Variants in NR1I2 observed in about 807,000 individuals in gnomAD.
The protein encoded by NR1I2 is nuclear receptor subfamily 1 group I member 2.
Under a neutral mutation model 43.3 loss-of-function variants are expected in NR1I2, and 42 were observed. The ratio of observed to expected loss-of-function variants is 0.97; its 90% CI spans 0.76 to 1.26. NR1I2 has a LOEUF of 1.26. Among genes scored for constraint, NR1I2 ranks in the 50% most tolerant of loss-of-function variants. The pLI is 0.00. For missense variants in NR1I2, 559 were observed against 566.7 expected (o/e 0.99, Z 0.14); for synonymous variants, 229 against 215.0 (o/e 1.06, Z -0.57).
chr3:119,794,685 C>G (rs1016847858), intron 1 of NR1I2, among the ~76,000 whole-genome samples: 13 of 152,142 alleles, frequency 8.5e-5, no homozygotes, highest in African/African-American at 2.9e-4. Flanking sequence ...TGCCTGTAAT[C>G]CCAGCATTTT....
rs2107981353 is a variant in NR1I2, at chr3:119,817,474, A to T, written c.*262A>T. On this transcript the variant is annotated 3_prime_UTR_variant, in exon 9 of 9. Transcript: ENST00000393716. The stretch of plus-strand genomic sequence containing the variant: ...CACTGACCTGTAGGTCAGGACCATC[A>T]GAGAGGCAAGGTTGCCCTTTCCTTT... 4.5e-6 allele frequency: 6 copies of T among 1,340,356 alleles called. No homozygotes were observed. Among genetic ancestry groups the T allele is most frequent in the Non-Finnish European group, 5.8e-6 (6 of 1,038,930 alleles). The allele number at this position is 1,340,356 out of a possible 1,614,324, so 83.0% of individuals were successfully genotyped here.
intron 1 of NR1I2, among the ~76,000 whole-genome samples, chr3:119,789,985 G>A (rs1422964080): frequency 1.3e-5 from 2 of 152,082 alleles, no homozygotes; most frequent in African/African-American, 4.8e-5. Flanking sequence ...ATTTCTAAGT[G>A]TATAGCTCAA....
intron 3 of NR1I2, 54 bp downstream of exon 3, chr3:119,810,248 G>GGACGT: frequency 6.5e-7 from 1 of 1,549,898 alleles, no homozygotes; most frequent in Non-Finnish European, 8.7e-7. Context: ...CTCTGAGTAA[G>GGACGT]GACGTGCCGT....
intron 1 of NR1I2, among the ~76,000 whole-genome samples, chr3:119,803,468 G>A (rs1410134346): frequency 1.3e-5 from 2 of 151,982 alleles, no homozygotes; most frequent in African/African-American, 4.8e-5. Flanking sequence ...CAGGAAGCAG[G>A]CTCTTACCAG....
Position 119,812,951 on chromosome 3 carries a change from C to T in NR1I2, c.785C>T (p.Ser262Phe). ...ATCATCAGCTTTGCCAAAGTCATCT[C>T]CTACTTCAGGTAGGACATGGAGACT... The change falls in exon 5 of 9, where the codon TCC becomes TTC. Residue 262 changes from serine (S) to phenylalanine (F), a missense_variant. This residue lies in a region of NR1I2 where 323 missense variants were observed against 312.2 expected (regional missense o/e 1.03). Transcript: ENST00000393716. 7 of 1,613,486 alleles carry T rather than the reference C, an allele frequency of 4.3e-6. No individual in the cohort carries two copies. Among genetic ancestry groups the T allele is most frequent in the Non-Finnish European group, 5.9e-6 (7 of 1,180,048 alleles).
In NR1I2 at chr3:119,795,902, G is replaced by T. The variant is rs577930546; in HGVS notation, c.-22-11327G>T. On this transcript the variant is annotated intron_variant, in intron 1 of 8. Transcript: ENST00000393716. ...TCTACTGATCATTTCATTCTTTCTT[G>T]CACTAAAGATGACCACTTCCCATGT... Among the ~76,000 whole-genome samples, 10 of 152,190 alleles carry T rather than the reference G, an allele frequency of 6.6e-5. No individual in the cohort carries two copies. In the South Asian group the frequency reaches 1.9e-3, roughly 28 times the overall value.
chr3:119,814,217 T>C (rs1443153710), intron 5 of NR1I2, among the ~76,000 whole-genome samples: 1 of 152,170 alleles, frequency 6.6e-6, no homozygotes, highest in Non-Finnish European at 1.5e-5. Flanking sequence ...TCTCAGGCTG[T>C]GAAGCTTCCT....
chr3:119,811,904 C>G (rs1223832940), intron 4 of NR1I2, among the ~76,000 whole-genome samples, 178 bp downstream of exon 4: 1 of 152,124 alleles, frequency 6.6e-6, no homozygotes, highest in Non-Finnish European at 1.5e-5. Context: ...GTCTCATTCC[C>G]AAAGGTTCTG....
At chr3:119,808,485 CTG>C (rs1368182516) in intron 2 of NR1I2, among the ~76,000 whole-genome samples, 1 of 152,256 alleles carries the variant, frequency 6.6e-6, no homozygotes, top group African/African-American at 2.4e-5. Context: ...CGCCACTTGA[CTG>C]TGTGGAAGAG....
At chr3:119,796,138 T>C (rs867484595) in intron 1 of NR1I2, among the ~76,000 whole-genome samples, 2 of 152,230 alleles carry the variant, frequency 1.3e-5, no homozygotes, top group African/African-American at 2.4e-5. Flanking sequence ...TGTTCAACTT[T>C]GTGATTTTTT....
intron 1 of NR1I2, 56 bp from the exon 2 acceptor site, chr3:119,807,173 G>C: frequency 6.9e-7 from 1 of 1,452,962 alleles, no homozygotes. Flanking sequence ...TTTCCTCTGA[G>C]GCCTCTACAC....
intron 1 of NR1I2, among the ~76,000 whole-genome samples, chr3:119,789,206 T>C (rs1559782701): frequency 6.6e-6 from 1 of 152,170 alleles, no homozygotes; most frequent in African/African-American, 2.4e-5. Context: ...AGAACTCAGG[T>C]TGGGATCAAA....
rs991302014 is a variant in NR1I2 at position 119,817,778 on chromosome 3, G to A, written c.*566G>A. Reference sequence around the variant, plus strand: ...GTCCTCTAGAGAGATGAGAAGCCAGGAGGCCTGCACCAAATGTCAGAAGCT... The same window carrying A: ...GTCCTCTAGAGAGATGAGAAGCCAGAAGGCCTGCACCAAATGTCAGAAGCT... On this transcript the variant is annotated 3_prime_UTR_variant, in exon 9 of 9. Transcript: ENST00000393716. The A allele has an allele frequency of 2.0e-6, 2 of 1,002,040 alleles. No individual in the cohort carries two copies. The highest frequency in any genetic ancestry group is 2.4e-6 in the Non-Finnish European group (2 of 838,716). The allele number at this position is 1,002,040 out of a possible 1,614,324, so 62.1% of individuals were successfully genotyped here. A position where few individuals can be genotyped will look rare whatever the true frequency, so the allele number is the denominator to read the frequency against.
At chr3:119,788,558 C>T (rs1451002822) in intron 1 of NR1I2, among the ~76,000 whole-genome samples, 2 of 152,194 alleles carry the variant, frequency 1.3e-5, no homozygotes, top group Non-Finnish European at 2.9e-5. Context: ...CTGCCTCAGC[C>T]TCCCAAGTAG....
At chr3:119,798,436 T>C (rs1194450288) in intron 1 of NR1I2, among the ~76,000 whole-genome samples, 1 of 152,070 alleles carries the variant, frequency 6.6e-6, no homozygotes, top group African/African-American at 2.4e-5. Flanking sequence ...AGTCTAATCA[T>C]TTAAGTGAAC....
chr3:119,812,603 T>G, intron 4 of NR1I2, 83 bp from the exon 5 acceptor site: 3 of 1,532,984 alleles, frequency 2.0e-6, no homozygotes, highest in Non-Finnish European at 1.8e-6. Flanking sequence ...TGGCTGTGCA[T>G]GTTTGGCTGG....
At chr3:119,787,805 A>T (rs1168829958) in intron 1 of NR1I2, among the ~76,000 whole-genome samples, 1 of 152,076 alleles carries the variant, frequency 6.6e-6, no homozygotes, top group Admixed American at 6.6e-5. Context: ...AATTAAATAT[A>T]TGTAATCGTG....
In NR1I2 at chr3:119,783,935, A is replaced by G. The variant is rs1340573605; in HGVS notation, c.-23+1635A>G. Among the ~76,000 whole-genome samples the G allele has an allele frequency of 2.6e-5, 4 of 152,202 alleles. No individual in the cohort carries two copies. In the East Asian group the frequency reaches 7.7e-4, roughly 29 times the overall value. On this transcript the variant is annotated intron_variant, in intron 1 of 8. Coordinates refer to ENST00000393716, the MANE Select transcript of NR1I2 (RefSeq NM_003889.4). ...CTTCATTTATTTTAACTGCTACGTC[A>G]TATTTCACAGTGTACACTTCTTTTA...
At chr3:119,809,725 G>A (rs775207350) in intron 2 of NR1I2, among the ~76,000 whole-genome samples, 1 of 152,220 alleles carries the variant, frequency 6.6e-6, no homozygotes, top group Non-Finnish European at 1.5e-5. Context: ...GGTGTTTCAG[G>A]AAGAAGGGAA....
Sources: allele counts gnomAD v4.1 joint callset (sites outside exome capture counted in the v4.1 genomes callset), GRCh38; gene constraint gnomAD v4.1.1; regional missense constraint gnomAD v4.1.1; transcripts MANE v1.5; gene names NCBI Gene and HGNC (gene_info 2026-07-23, HGNC 2026-07-21).